Variants in DOCK4 observed in about 807,000 individuals in gnomAD.
The protein encoded by DOCK4 is dedicator of cytokinesis 4.
In DOCK4, 97 loss-of-function variants were observed where a neutral mutation model predicts 268.1. That is an observed-to-expected ratio of 0.36 (90% CI 0.31 to 0.43). The LOEUF (loss-of-function observed/expected upper bound fraction) is 0.43. DOCK4 is among the 20% of genes least tolerant of loss of function. The pLI, the probability that DOCK4 is intolerant of heterozygous loss-of-function variation, is 1.00. For missense variants in DOCK4, 2,145 were observed against 2,455.7 expected (o/e 0.87, Z 2.67); for synonymous variants, 954 against 887.2 (o/e 1.08, Z -1.34).
chr7:111,879,891 GA>G (rs1423290291), intron 16 of DOCK4, among the ~76,000 whole-genome samples: 1 of 151,884 alleles, frequency 6.6e-6, no homozygotes, highest in Non-Finnish European at 1.5e-5. Flanking sequence ...GGAGACAAAA[GA>G]AAAAAGAATA....
intron 36 of DOCK4, among the ~76,000 whole-genome samples, chr7:111,774,492 T>C (rs549691663): frequency 4.6e-5 from 7 of 151,392 alleles, no homozygotes; most frequent in South Asian, 4.2e-4. Flanking sequence ...CAAAAAAATC[T>C]GGAAAAAATG....
chr7:111,808,597 T>C (rs1800846115), intron 30 of DOCK4: 1 of 463,314 alleles, frequency 2.2e-6, no homozygotes, highest in Admixed American at 3.6e-5. Flanking sequence ...CGTTAATTAA[T>C]AATGAAACAC....
chr7:111,985,229 T>C (rs1798962011), intron 6 of DOCK4, among the ~76,000 whole-genome samples: 1 of 152,100 alleles, frequency 6.6e-6, no homozygotes, highest in Admixed American at 6.5e-5. Context: ...GTTCTGTTCA[T>C]CTCCTTAACC....
chr7:111,870,193 T>C (rs1228124841), intron 20 of DOCK4, among the ~76,000 whole-genome samples: 3 of 152,130 alleles, frequency 2.0e-5, no homozygotes, highest in Admixed American at 6.5e-5. Flanking sequence ...GGAGAATTTC[T>C]AGAAAGGCCA....
chr7:112,084,412 A>G (rs996720712), intron 1 of DOCK4, among the ~76,000 whole-genome samples: 8 of 152,202 alleles, frequency 5.3e-5, no homozygotes, highest in African/African-American at 1.9e-4. Context: ...TCATTTATAC[A>G]GAGAGCATCC....
intron 1 of DOCK4, among the ~76,000 whole-genome samples, chr7:112,085,668 T>G (rs916537953): frequency 3.3e-5 from 5 of 152,148 alleles, no homozygotes. Context: ...AAGATTTTCC[T>G]AATTCCTAAG....
At chr7:111,838,876 C>T (rs1011606789) in intron 25 of DOCK4, among the ~76,000 whole-genome samples, 1 of 152,012 alleles carries the variant, frequency 6.6e-6, no homozygotes, top group Non-Finnish European at 1.5e-5. Context: ...GTCAATTATA[C>T]CTCAATAAAA....
At chr7:111,863,708 A>G (rs1351089545) in intron 22 of DOCK4, 144 bp from the exon 23 acceptor site, 1 of 921,318 alleles carries the variant, frequency 1.1e-6, no homozygotes, top group Admixed American at 3.6e-5. Context: ...CCTAAAGCTA[A>G]AAGGTAAATT....
chr7:111,769,396 G>A, intron 37 of DOCK4, 133 bp downstream of exon 37: 5 of 1,110,382 alleles, frequency 4.5e-6, no homozygotes, highest in East Asian at 2.5e-5. Flanking sequence ...AAGCTTTTGG[G>A]TGTTTCTAAT....
intron 8 of DOCK4, among the ~76,000 whole-genome samples, chr7:111,957,204 T>C (rs1031859750): frequency 2.0e-5 from 3 of 152,142 alleles, no homozygotes; most frequent in Non-Finnish European, 4.4e-5. Flanking sequence ...GCTTTAGACA[T>C]GTGAAATAAA....
intron 1 of DOCK4, among the ~76,000 whole-genome samples, chr7:112,105,968 G>C (rs1396162963): frequency 6.6e-6 from 1 of 152,200 alleles, no homozygotes; most frequent in Non-Finnish European, 1.5e-5. Context: ...TGGGATCACA[G>C]GCATGAGCCA....
intron 23 of DOCK4, among the ~76,000 whole-genome samples, chr7:111,859,984 T>C (rs967571739): frequency 6.6e-6 from 1 of 152,200 alleles, no homozygotes; most frequent in East Asian, 1.9e-4. Context: ...CAGTTTTATA[T>C]TGTCCCTCTT....
At chr7:111,767,604 C>T (rs1014018070) in intron 37 of DOCK4, among the ~76,000 whole-genome samples, 1 of 152,120 alleles carries the variant, frequency 6.6e-6, no homozygotes, top group Non-Finnish European at 1.5e-5. Flanking sequence ...ATTAAAAATC[C>T]TTTGAATGCT....
intron 26 of DOCK4, among the ~76,000 whole-genome samples, chr7:111,831,407 G>C (rs10233730): frequency 0.35 from 52,513 of 151,786 alleles, 12,357 homozygotes; most frequent in African/African-American, 0.67. Context: ...TCTAGCTTAG[G>C]TTACTACCTA....
intron 24 of DOCK4, 100 bp from the exon 25 acceptor site, chr7:111,844,997 T>C: frequency 3.4e-6 from 5 of 1,457,440 alleles, no homozygotes; most frequent in African/African-American, 1.4e-5. Flanking sequence ...ACTTGAGGCA[T>C]GGATTTCACC....
chr7:112,196,590 T>C (rs2116841991), intron 1 of DOCK4, among the ~76,000 whole-genome samples: 1 of 152,292 alleles, frequency 6.6e-6, no homozygotes, highest in East Asian at 1.9e-4. Flanking sequence ...CTTCCGGCAG[T>C]AAATGGCGTG....
At chr7:111,858,798 TTCCTTCCCTCCCTTC>T (rs1805231710) in intron 23 of DOCK4, among the ~76,000 whole-genome samples, 1 of 149,684 alleles carries the variant, frequency 6.7e-6, no homozygotes, top group African/African-American at 2.6e-5. Context: ...CTTCCTTTCC[TTCCTTCCCTCCCTTC>T]CTTCCTTCCC....
At chr7:111,959,039 T>G (rs1364185769) in intron 8 of DOCK4, among the ~76,000 whole-genome samples, 7 of 152,124 alleles carry the variant, frequency 4.6e-5, no homozygotes, top group South Asian at 2.1e-4. Flanking sequence ...ACTCCCACAT[T>G]TCATGCACCT....
chr7:111,879,448 G>C (rs967564911), intron 16 of DOCK4, among the ~76,000 whole-genome samples: 3 of 152,246 alleles, frequency 2.0e-5, no homozygotes, highest in Non-Finnish European at 4.4e-5. Flanking sequence ...AGAGGGAAAA[G>C]CAAAGGGGGC....
Sources: allele counts gnomAD v4.1 joint callset (sites outside exome capture counted in the v4.1 genomes callset), GRCh38; gene constraint gnomAD v4.1.1; transcripts MANE v1.5; gene names NCBI Gene and HGNC (gene_info 2026-07-23, HGNC 2026-07-21).